The following PPARGC1A variants were observed in gnomAD, a reference collection of about 807,000 sequenced individuals.
PPARGC1A encodes the protein peroxisome proliferator-activated receptor gamma coactivator 1-alpha.
A neutral mutation model predicts 88.7 loss-of-function variants in PPARGC1A; 25 were observed. The observed-to-expected ratio is 0.28, with a 90% CI of 0.21 to 0.39. PPARGC1A has a LOEUF of 0.39. Among genes scored for constraint, PPARGC1A ranks in the 10% least tolerant of loss-of-function variants. The probability of loss-of-function intolerance (pLI) is 1.00; values close to 1 mark genes in which losing one functional copy is unlikely to be tolerated. For synonymous variants in PPARGC1A, 363 were observed against 355.6 expected, an observed-to-expected ratio of 1.02 and a Z score of -0.24; for missense variants, 880 against 968.7, an observed-to-expected ratio of 0.91 and a Z score of 1.22.
the PPARGC1A span, among the ~76,000 whole-genome samples, chr4:24,017,121 C>A: frequency 9.9e-5 from 15 of 152,220 alleles, no homozygotes; most frequent in East Asian, 2.9e-3. Context: ...CCACATCAGC[C>A]CTTTATCGCC....
chr4:24,009,148 A>AG, the PPARGC1A span, among the ~76,000 whole-genome samples: 1 of 43,790 alleles, frequency 2.3e-5, no homozygotes, highest in African/African-American at 4.8e-5. Context: ...AAAAAAAAAA[A>AG]AAAGAGAGAG....
the PPARGC1A span, among the ~76,000 whole-genome samples, chr4:24,213,421 C>A: frequency 6.6e-6 from 1 of 152,250 alleles, no homozygotes; most frequent in African/African-American, 2.4e-5. Context: ...CCGCCTCGGC[C>A]TCCCAAAGTG....
At chr4:24,071,465 A>G in the PPARGC1A span, among the ~76,000 whole-genome samples, 1 of 151,712 alleles carries the variant, frequency 6.6e-6, no homozygotes, top group African/African-American at 2.4e-5. Flanking sequence ...TTTATCAATA[A>G]TGCTGTATTT....
chr4:24,137,643 G>C, the PPARGC1A span, among the ~76,000 whole-genome samples: 1 of 151,968 alleles, frequency 6.6e-6, no homozygotes, highest in Non-Finnish European at 1.5e-5. Context: ...GGTCCATACT[G>C]CCCCCCACAA....
the PPARGC1A span, among the ~76,000 whole-genome samples, chr4:24,171,601 C>T: frequency 6.6e-6 from 1 of 152,156 alleles, no homozygotes; most frequent in Admixed American, 6.5e-5. Flanking sequence ...CCCCATCACT[C>T]AGAAATATGC....
At chr4:24,187,818 G>C in the PPARGC1A span, among the ~76,000 whole-genome samples, 5 of 152,182 alleles carry the variant, frequency 3.3e-5, no homozygotes, top group Admixed American at 2.6e-4. Context: ...AAGCATACCA[G>C]CAAATATATA....
the PPARGC1A span, among the ~76,000 whole-genome samples, chr4:24,348,244 C>T: frequency 6.6e-6 from 1 of 152,246 alleles, no homozygotes; most frequent in Non-Finnish European, 1.5e-5. Flanking sequence ...AAGATTCTTT[C>T]CTCCTTCGTA....
chr4:24,243,700 A>G, the PPARGC1A span, among the ~76,000 whole-genome samples: 1 of 152,314 alleles, frequency 6.6e-6, no homozygotes, highest in East Asian at 1.9e-4. Flanking sequence ...GTCAAAGATA[A>G]TAGCTTTAAC....
At chr4:24,402,177 CG>C in the PPARGC1A span, among the ~76,000 whole-genome samples, 1 of 152,166 alleles carries the variant, frequency 6.6e-6, no homozygotes, top group African/African-American at 2.4e-5. Flanking sequence ...TACCCCACTC[CG>C]TAACCTGCCA....
the PPARGC1A span, among the ~76,000 whole-genome samples, chr4:23,916,853 C>T: frequency 4.6e-5 from 7 of 152,132 alleles, no homozygotes; most frequent in Non-Finnish European, 7.3e-5. Context: ...TTTCTTTAAC[C>T]GGCTGGAAGT....
the PPARGC1A span, among the ~76,000 whole-genome samples, chr4:24,225,549 A>C: frequency 6.6e-6 from 1 of 151,440 alleles, no homozygotes; most frequent in Non-Finnish European, 1.5e-5. Context: ...ACACACACAC[A>C]CACAAAAACA....
the PPARGC1A span, among the ~76,000 whole-genome samples, chr4:24,411,139 G>T: frequency 6.6e-6 from 1 of 152,112 alleles, no homozygotes; most frequent in African/African-American, 2.4e-5. Flanking sequence ...TGCACATTGT[G>T]AATCTCCAAG....
At chr4:24,208,836 G>T in the PPARGC1A span, among the ~76,000 whole-genome samples, 7 of 152,006 alleles carry the variant, frequency 4.6e-5, no homozygotes, top group Admixed American at 4.6e-4. Context: ...AACAGTCATT[G>T]TGTTAAATAT....
upstream of PPARGC1A, among the ~76,000 whole-genome samples, chr4:23,906,888 C>T (rs1426465483): frequency 6.6e-6 from 1 of 152,120 alleles, no homozygotes. Flanking sequence ...TTCTGATCTC[C>T]TCTCATTTAG....
At chr4:24,299,240 C>T in the PPARGC1A span, among the ~76,000 whole-genome samples, 6 of 152,138 alleles carry the variant, frequency 3.9e-5, no homozygotes, top group African/African-American at 1.4e-4. Context: ...CCTCATTTGT[C>T]AGCATGAATC....
chr4:24,200,498 C>A, the PPARGC1A span, among the ~76,000 whole-genome samples: 6 of 150,322 alleles, frequency 4.0e-5, no homozygotes, highest in African/African-American at 1.5e-4. Context: ...GCAACAAGAG[C>A]GAAACTCTGA....
chr4:24,144,167 T>G, the PPARGC1A span, among the ~76,000 whole-genome samples: 1 of 152,200 alleles, frequency 6.6e-6, no homozygotes, highest in Admixed American at 6.5e-5. Context: ...CCCAAAAAAG[T>G]GTCTTCACGG....
the PPARGC1A span, among the ~76,000 whole-genome samples, chr4:24,348,028 T>G: frequency 1.3e-4 from 20 of 152,186 alleles, no homozygotes; most frequent in Non-Finnish European, 2.8e-4. Flanking sequence ...CAGCATGTGT[T>G]TGTCTGAAAA....
the PPARGC1A span, among the ~76,000 whole-genome samples, chr4:24,221,895 A>G: frequency 6.6e-6 from 1 of 152,222 alleles, no homozygotes; most frequent in Non-Finnish European, 1.5e-5. Flanking sequence ...AAAGTTCACC[A>G]TTCCTTCTGG....
Sources: allele counts gnomAD v4.1 joint callset (sites outside exome capture counted in the v4.1 genomes callset), GRCh38; gene constraint gnomAD v4.1.1; transcripts MANE v1.5; gene names NCBI Gene and HGNC (gene_info 2026-07-23, HGNC 2026-07-21).